The following IL1RAPL2 variants were observed in gnomAD, a reference collection of about 807,000 sequenced individuals.
The protein encoded by IL1RAPL2 is X-linked interleukin-1 receptor accessory protein-like 2.
Under a neutral mutation model 44.1 loss-of-function variants are expected in IL1RAPL2, and 3 were observed. The ratio of observed to expected loss-of-function variants is 0.07; its 90% CI spans 0.03 to 0.18. IL1RAPL2 has a LOEUF of 0.18. IL1RAPL2 is among the 10% of genes least tolerant of loss of function. IL1RAPL2 has a pLI of 1.00. For missense variants in IL1RAPL2, 391 were observed against 496.4 expected (o/e 0.79, Z 2.02); for synonymous variants, 181 against 178.8 (o/e 1.01, Z -0.10).
chrX:105,245,626 A>T (rs1381236957), intron 4 of IL1RAPL2, among the ~76,000 whole-genome samples: 1 of 112,743 alleles, frequency 8.9e-6, no homozygotes, highest in Non-Finnish European at 1.9e-5. Context: ...TTTACAAATG[A>T]GAGATAAGGA....
At chrX:105,724,080 C>T (rs1165570686) in intron 7 of IL1RAPL2, among the ~76,000 whole-genome samples, 1 of 111,405 alleles carries the variant, frequency 9.0e-6, no homozygotes, top group Non-Finnish European at 1.9e-5. Flanking sequence ...TCCCCAGAAG[C>T]ACTGGGTCTG....
intron 2 of IL1RAPL2, among the ~76,000 whole-genome samples, chrX:104,812,388 A>T (rs1384400742): frequency 9.0e-6 from 1 of 111,558 alleles, no homozygotes; most frequent in African/African-American, 3.3e-5. Flanking sequence ...CCTTCCCTGT[A>T]ATGCAACAAA....
At chrX:104,719,064 C>G (rs1355101486) in intron 2 of IL1RAPL2, among the ~76,000 whole-genome samples, 1 of 111,903 alleles carries the variant, frequency 8.9e-6, no homozygotes, top group African/African-American at 3.2e-5. Flanking sequence ...ACCTGTTTAC[C>G]AAAAGGTGAG....
intron 2 of IL1RAPL2, among the ~76,000 whole-genome samples, chrX:104,840,385 T>A (rs1431125902): frequency 8.9e-6 from 1 of 112,137 alleles, no homozygotes; most frequent in Non-Finnish European, 1.9e-5. Flanking sequence ...TGGGTGAGTT[T>A]CTTAATCCTG....
intron 4 of IL1RAPL2, among the ~76,000 whole-genome samples, chrX:105,255,461 T>A (rs2034306247): frequency 8.9e-6 from 1 of 112,093 alleles, no homozygotes; most frequent in Non-Finnish European, 1.9e-5. Context: ...GCAATCCCAT[T>A]ACTGGGTATA....
intron 2 of IL1RAPL2, among the ~76,000 whole-genome samples, chrX:104,932,179 A>G (rs1210329328): frequency 9.3e-6 from 1 of 107,963 alleles, no homozygotes; most frequent in Non-Finnish European, 1.9e-5. Flanking sequence ...TTCTCTTTTT[A>G]GTAGAGATGG....
intron 6 of IL1RAPL2, among the ~76,000 whole-genome samples, chrX:105,530,606 T>C (rs2036626694): frequency 1.8e-5 from 2 of 110,979 alleles, no homozygotes; most frequent in Non-Finnish European, 3.8e-5. Context: ...TTTACACTCT[T>C]AGATATTTTA....
At chrX:104,935,456 T>A (rs929118613) in intron 2 of IL1RAPL2, among the ~76,000 whole-genome samples, 1 of 112,041 alleles carries the variant, frequency 8.9e-6, no homozygotes, top group Non-Finnish European at 1.9e-5. Flanking sequence ...AGGAAAACTT[T>A]GTTATAAAGT....
At chrX:105,051,271 C>A (rs990941987) in intron 2 of IL1RAPL2, among the ~76,000 whole-genome samples, 1 of 100,092 alleles carries the variant, frequency 1.0e-5, no homozygotes, top group African/African-American at 3.7e-5. Flanking sequence ...GGAGCAGACA[C>A]CCCGAGCCTG....
chrX:104,645,908 C>T (rs1234864623), intron 1 of IL1RAPL2, among the ~76,000 whole-genome samples: 1 of 112,287 alleles, frequency 8.9e-6, no homozygotes, highest in Non-Finnish European at 1.9e-5. Flanking sequence ...CAAGATGTGC[C>T]AATATGGTCT....
chrX:104,900,966 G>A (rs771846490), intron 2 of IL1RAPL2, among the ~76,000 whole-genome samples: 2 of 110,968 alleles, frequency 1.8e-5, no homozygotes, highest in South Asian at 3.8e-4. Flanking sequence ...CTAAAATGTT[G>A]TATCATAAAG....
At chrX:104,626,970 C>A (rs1400156855) in intron 1 of IL1RAPL2, among the ~76,000 whole-genome samples, 1 of 109,038 alleles carries the variant, frequency 9.2e-6, no homozygotes, top group Non-Finnish European at 1.9e-5. Flanking sequence ...AGGCACGCAC[C>A]AACACACCCG....
intron 2 of IL1RAPL2, among the ~76,000 whole-genome samples, chrX:105,137,095 G>A (rs2033083135): frequency 9.0e-6 from 1 of 111,563 alleles, no homozygotes; most frequent in South Asian, 3.8e-4. Context: ...TGAAAGGAGA[G>A]GGCAGAATAC....
chrX:104,926,614 C>A (rs1924779689), intron 2 of IL1RAPL2, among the ~76,000 whole-genome samples: 2 of 111,699 alleles, frequency 1.8e-5, no homozygotes, highest in Non-Finnish European at 3.8e-5. Context: ...CATTTGAGTG[C>A]AACACTATAT....
intron 9 of IL1RAPL2, chrX:105,752,994 A>C: frequency 3.0e-6 from 1 of 330,915 alleles, no homozygotes; most frequent in Non-Finnish European, 5.9e-6. Flanking sequence ...TAAAATTTAT[A>C]ATCCAGATGT....
intron 2 of IL1RAPL2, among the ~76,000 whole-genome samples, chrX:105,134,907 C>T (rs1335280294): frequency 2.7e-5 from 3 of 109,844 alleles, no homozygotes; most frequent in African/African-American, 9.9e-5. Flanking sequence ...TGTGAAATTG[C>T]TGTATTCCTG....
At chrX:105,285,078 C>G (rs946973294) in intron 5 of IL1RAPL2, among the ~76,000 whole-genome samples, 22 of 112,172 alleles carry the variant, frequency 2.0e-4, no homozygotes, top group African/African-American at 7.1e-4. Flanking sequence ...AACACCTGCT[C>G]CTTGCACCTG....
In IL1RAPL2 at chrX:105,198,580, A is replaced by C. The variant is rs781878083; in HGVS notation, c.356+2832A>C. Among the ~76,000 whole-genome samples, 4 of 112,394 alleles carry C rather than the reference A, an allele frequency of 3.6e-5. No individual in the cohort carries two copies. The South Asian group carries it at 1.5e-3, about 42-fold the overall frequency. ...ACAATTAATGAACCAATAGTGGTAC[A>C]TTATTATTAGCTAAAGTCCATATAT... On this transcript the variant is annotated intron_variant, in intron 3 of 10. Coordinates refer to ENST00000372582, the MANE Select transcript of IL1RAPL2 (RefSeq NM_017416.2).
chrX:105,169,408 A>C (rs77024396), intron 2 of IL1RAPL2, among the ~76,000 whole-genome samples: 2 of 108,427 alleles, frequency 1.8e-5, no homozygotes, highest in Non-Finnish European at 3.8e-5. Flanking sequence ...AAAAAAAAAA[A>C]CAACCATGAT....
Sources: gnomAD v4.1 joint callset for allele counts (sites outside exome capture counted in the v4.1 genomes callset) on GRCh38, gnomAD v4.1.1 for gene constraint, MANE v1.5 for transcripts, NCBI Gene and HGNC (gene_info 2026-07-23, HGNC 2026-07-21) for gene names.